RBFOX1: variants seen among roughly 807,000 people sequenced by gnomAD.
RBFOX1 encodes the protein RNA binding fox-1 homolog 1.
Under a neutral mutation model 57.7 loss-of-function variants are expected in RBFOX1, and 8 were observed. The observed-to-expected ratio is 0.14, with a 90% CI of 0.08 to 0.25. The LOEUF is 0.25. Among genes scored for constraint, RBFOX1 ranks in the 10% least tolerant of loss-of-function variants. RBFOX1 has a pLI of 1.00. For missense variants in RBFOX1, 611 were observed against 548.5 expected (o/e 1.11, Z -1.14); for synonymous variants, 326 against 222.4 (o/e 1.47, Z -4.15).
chr16:6,853,475 T>G (rs2094178224), intron 3 of RBFOX1, among the ~76,000 whole-genome samples: 1 of 152,108 alleles, frequency 6.6e-6, no homozygotes, highest in African/African-American at 2.4e-5. Flanking sequence ...TGGAGGATGG[T>G]GCCTACAGTG....
intron 4 of RBFOX1, among the ~76,000 whole-genome samples, chr16:7,444,264 C>T (rs770732284): frequency 3.3e-5 from 5 of 152,172 alleles, no homozygotes; most frequent in African/African-American, 4.8e-5. Flanking sequence ...CCTAATGGGT[C>T]ATCCAGAAAA....
At chr16:5,534,313 T>A (rs955423947) in intron 2 of RBFOX1, among the ~76,000 whole-genome samples, 3 of 152,126 alleles carry the variant, frequency 2.0e-5, no homozygotes, top group Non-Finnish European at 4.4e-5. Context: ...GGGAGTTTAT[T>A]AAGGAGAATT....
At chr16:6,026,814 G>T (rs2095205173) in intron 1 of RBFOX1, among the ~76,000 whole-genome samples, 1 of 152,200 alleles carries the variant, frequency 6.6e-6, no homozygotes, top group Admixed American at 6.5e-5. Flanking sequence ...CACGCTCTGA[G>T]TATGATTTTG....
intron 14 of RBFOX1, chr16:7,693,422 T>TTC: frequency 2.2e-6 from 3 of 1,355,614 alleles, no homozygotes; most frequent in Non-Finnish European, 3.1e-6. Context: ...TATCCTTTTT[T>TTC]TTTTTTTTTT....
chr16:7,707,777 C>G (rs74333825), intron 14 of RBFOX1, among the ~76,000 whole-genome samples: 1 of 152,132 alleles, frequency 6.6e-6, no homozygotes, highest in African/African-American at 2.4e-5. Context: ...GCATGAAACC[C>G]ATAGGATCAG....
chr16:6,809,996 G>T (rs1301346495), intron 3 of RBFOX1, among the ~76,000 whole-genome samples: 4 of 149,466 alleles, frequency 2.7e-5, no homozygotes, highest in African/African-American at 4.9e-5. Context: ...TCTCCTGGGT[G>T]TCTCTCTGAA....
intron 2 of RBFOX1, among the ~76,000 whole-genome samples, chr16:6,521,895 T>C (rs925077259): frequency 2.6e-5 from 4 of 152,134 alleles, no homozygotes; most frequent in African/African-American, 7.2e-5. Flanking sequence ...TTAATCTGTG[T>C]TTGGGTCTTG....
At chr16:7,474,828 T>C (rs1328228531) in intron 4 of RBFOX1, among the ~76,000 whole-genome samples, 2 of 152,224 alleles carry the variant, frequency 1.3e-5, no homozygotes, top group Admixed American at 1.3e-4. Context: ...TTAGCCACAG[T>C]AAGCATTCTT....
intron 3 of RBFOX1, among the ~76,000 whole-genome samples, chr16:6,758,691 C>G (rs935042484): frequency 6.6e-6 from 1 of 152,122 alleles, no homozygotes; most frequent in African/African-American, 2.4e-5. Context: ...TTAGTAATTT[C>G]TAATTAAAAA....
chr16:6,882,917 A>T (rs1293818965), intron 3 of RBFOX1, among the ~76,000 whole-genome samples: 1 of 152,148 alleles, frequency 6.6e-6, no homozygotes, highest in African/African-American at 2.4e-5. Flanking sequence ...GGAGTTATGA[A>T]TTGAATCAGG....
chr16:7,573,726 T>C (rs760309164), intron 5 of RBFOX1, among the ~76,000 whole-genome samples: 9 of 151,812 alleles, frequency 5.9e-5, no homozygotes, highest in African/African-American at 9.7e-5. Context: ...TCCCAGCTAC[T>C]CGGGAGGTTG....
At chr16:5,700,669 C>G (rs2051015797) in intron 3 of RBFOX1, among the ~76,000 whole-genome samples, 1 of 152,134 alleles carries the variant, frequency 6.6e-6, no homozygotes, top group Admixed American at 6.5e-5. Flanking sequence ...TTCTTCAGTT[C>G]TGTTATTGTT....
At chr16:7,339,971 C>T (rs955992510) in intron 4 of RBFOX1, among the ~76,000 whole-genome samples, 11 of 152,130 alleles carry the variant, frequency 7.2e-5, no homozygotes, top group Admixed American at 7.2e-4. Flanking sequence ...TTGGCAACTC[C>T]AAGCTTACAT....
rs574872678 is a variant in RBFOX1, at chr16:6,983,653, C to G, written c.-15-68404C>G. 10 of 152,272 alleles carry G rather than the reference C, an allele frequency of 6.6e-5. No individual in the cohort carries two copies. In the South Asian group the frequency reaches 1.0e-3, roughly 16 times the overall value. The allele number at this position is 152,272 out of a possible 1,614,324, so 9.4% of individuals were successfully genotyped here. A position where few individuals can be genotyped will look rare whatever the true frequency, so the allele number is the denominator to read the frequency against. On this transcript the variant is annotated intron_variant, in intron 3 of 15. Transcript: ENST00000550418. ...ATTTTTCGCAGGCTTAATTATAAAT[C>G]TCTTGGGAGAAGAGGCAAGGCCTGT...
chr16:6,983,420 T>A (rs1222521460), intron 3 of RBFOX1, among the ~76,000 whole-genome samples: 1 of 151,736 alleles, frequency 6.6e-6, no homozygotes, highest in African/African-American at 2.4e-5. Flanking sequence ...ATTATCTATT[T>A]GCTGCTTCTG....
At chr16:6,143,066 A>C (rs956197864) in intron 1 of RBFOX1, among the ~76,000 whole-genome samples, 2 of 152,214 alleles carry the variant, frequency 1.3e-5, no homozygotes, top group African/African-American at 4.8e-5. Flanking sequence ...TTCATGAAAT[A>C]AATATTTGGG....
intron 4 of RBFOX1, among the ~76,000 whole-genome samples, chr16:5,958,492 C>T (rs186271074): frequency 4.2e-4 from 64 of 152,244 alleles, no homozygotes; most frequent in African/African-American, 1.3e-3. Context: ...TTATTAGGTG[C>T]GTGATATTAA....
intron 1 of RBFOX1, chr16:5,289,414 G>C (rs2063481271): frequency 6.3e-6 from 2 of 317,952 alleles, no homozygotes. Flanking sequence ...ATCATACCGA[G>C]ATGTGCGAGA....
chr16:5,751,132 C>T (rs181622715), intron 3 of RBFOX1, among the ~76,000 whole-genome samples: 14 of 152,268 alleles, frequency 9.2e-5, no homozygotes, highest in South Asian at 4.1e-4. Context: ...CATGAGCCAT[C>T]GTGCCTTGCC....
Sources: allele counts gnomAD v4.1 joint callset (sites outside exome capture counted in the v4.1 genomes callset), GRCh38; gene constraint gnomAD v4.1.1; transcripts MANE v1.5; gene names NCBI Gene and HGNC (gene_info 2026-07-23, HGNC 2026-07-21).